TSC2: variants seen among roughly 807,000 people sequenced by gnomAD.
TSC2 encodes tuberin.
In TSC2, 29 loss-of-function variants were observed where a neutral mutation model predicts 202.2. The observed-to-expected ratio is 0.14, with a 90% CI of 0.11 to 0.20. The LOEUF (loss-of-function observed/expected upper bound fraction) is 0.20. TSC2 is among the 10% of genes least tolerant of loss of function. The pLI, the probability that TSC2 is intolerant of heterozygous loss-of-function variation, is 1.00. For synonymous variants in TSC2, 1,349 were observed against 1,044.0 expected (o/e 1.29, Z -5.63); for missense variants, 2,429 against 2,420.0 (o/e 1.00, Z -0.08).
At chr16:2,081,861 G>A (rs781094609) in intron 31 of TSC2, 63 bp downstream of exon 31, 237 of 1,577,764 alleles carry the variant, frequency 1.5e-4, no homozygotes, top group Non-Finnish European at 2.0e-4. Flanking sequence ...TCCCGGTGAC[G>A]GCAATGTGGC....
In TSC2 at chr16:2,085,340, G is replaced by T. The variant is rs45517357; in HGVS notation, c.4662+18G>T. 6.2e-7 allele frequency: 1 copy of T among 1,612,260 alleles called. No homozygotes were observed. The highest frequency in any genetic ancestry group is 1.1e-5 in the South Asian group (1 of 91,084). On this transcript the variant is annotated intron_variant, in intron 36 of 41. Coordinates refer to ENST00000219476, the MANE Select transcript of TSC2 (RefSeq NM_000548.5). The stretch of plus-strand genomic sequence containing the variant: ...AAGGCCAGGTGAGGCTGCGGGGCCG[G>T]CCTAGGTGCCTGGACAGGGCCAGCT...
intron 31 of TSC2, chr16:2,082,122 G>A: frequency 1.7e-6 from 1 of 589,884 alleles, no homozygotes; most frequent in Non-Finnish European, 3.0e-6. Context: ...CCCAGGTTTG[G>A]ACACCTGAGC....
At position 2,048,576 on chromosome 16, in the gene TSC2, C is replaced by T. The variant is rs1008941601; in HGVS notation, c.-29-11C>T. The T allele has an allele frequency of 6.2e-7, 1 of 1,613,434 alleles. No individual in the cohort carries two copies. Among genetic ancestry groups the T allele is most frequent in the Admixed American group, 1.7e-5 (1 of 60,002 alleles). On this transcript the variant is annotated splice_polypyrimidine_tract_variant and intron_variant, in intron 1 of 41. Transcript: ENST00000219476. ...TGCTCAGATGTCCCCATTCCTGTTT[C>T]GTTTGCACAGAGGGGTTTTCTGGTG...
chr16:2,060,874 C>T, intron 11 of TSC2, 61 bp downstream of exon 11: 1 of 1,596,402 alleles, frequency 6.3e-7, no homozygotes, highest in South Asian at 1.1e-5. Flanking sequence ...GCTCGGCCCA[C>T]TCAGAAGATG....
At position 2,089,365 on chromosome 16, in the gene TSC2, G is replaced by A. The variant is rs912624205; in HGVS notation, c.*755G>A. On this transcript the variant is annotated 3_prime_UTR_variant, in exon 42 of 42. Transcript: ENST00000219476. ...AACTTAGGGGCAGGGTGGCGGCGGTGCAGGCTAACCCTCCCTGAAGCCAGC... is the reference window on the plus strand; with the variant it reads ...AACTTAGGGGCAGGGTGGCGGCGGTACAGGCTAACCCTCCCTGAAGCCAGC... The A allele has an allele frequency of 5.3e-6, 2 of 373,976 alleles. No homozygotes were observed. The highest frequency in any genetic ancestry group is 2.0e-5 in the African/African-American group (1 of 48,880). 23.2% of individuals were successfully genotyped at this position (373,976 alleles called of 1,614,324 possible). A position where few individuals can be genotyped will look rare whatever the true frequency, so the allele number is the denominator to read the frequency against.
In TSC2 at chr16:2,080,271, G is replaced by T. The variant is rs1247259128; in HGVS notation, c.3504G>T (p.Lys1168Asn). 2 of 1,613,016 alleles carry T rather than the reference G, an allele frequency of 1.2e-6. No individual in the cohort carries two copies. Among genetic ancestry groups the T allele is most frequent in the Non-Finnish European group, 1.7e-6 (2 of 1,180,020 alleles). Residue 1168 changes from lysine (K) to asparagine (N), a missense_variant, in exon 30 of 42, where the codon AAG becomes AAT. Physicochemically the swap from Lys to Asn is moderately conservative, Grantham distance 94 (BLOSUM62 0). Coordinates refer to ENST00000219476, the MANE Select transcript of TSC2 (RefSeq NM_000548.5). ...PRTAPAAKPE[K>N]ASAGTRVPVQ... ...CTGCACCAGCCGCGAAACCTGAGAA[G>T]GCCTCAGCTGGCACCCGGGTTCCTG... is the stretch of plus-strand genomic sequence containing the variant.
chr16:2,061,663 G>T, intron 11 of TSC2: 1 of 752,458 alleles, frequency 1.3e-6, no homozygotes, highest in Non-Finnish European at 2.2e-6. Context: ...ACGTGGGTCA[G>T]GGTGGCCCCT....
At position 2,061,025 on chromosome 16, in the gene TSC2, A is replaced by G. The variant is rs1596300094; in HGVS notation, c.1119+212A>G. ...GTGGTGCATCGTTTAGGCCCCAGACAGGAATATGCAGTAGGTGAGCCGGGG... is the reference window on the plus strand; with the variant it reads ...GTGGTGCATCGTTTAGGCCCCAGACGGGAATATGCAGTAGGTGAGCCGGGG... On this transcript the variant is annotated intron_variant, in intron 11 of 41. Transcript: ENST00000219476. The G allele has an allele frequency of 4.7e-6, 3 of 633,100 alleles. No homozygotes were observed. The East Asian group carries it at 8.8e-5, about 19-fold the overall frequency. 39.2% of individuals were successfully genotyped at this position (633,100 alleles called of 1,614,324 possible). A position where few individuals can be genotyped will look rare whatever the true frequency, so the allele number is the denominator to read the frequency against.
Position 2,088,875 on chromosome 16 carries a change from G to A in TSC2, c.*265G>A, listed in dbSNP as rs559752557. ...GGCCATACAGCACACTCGCGCGTGC[G>A]CGCGCGCACACACACACACACACAG... On this transcript the variant is annotated 3_prime_UTR_variant, in exon 42 of 42. Transcript: ENST00000219476. 90 of 487,886 alleles carry A rather than the reference G, an allele frequency of 1.8e-4. 1 individual carries two copies. The highest frequency in any genetic ancestry group is 1.2e-3 in the East Asian group (36 of 30,086). 30.2% of individuals were successfully genotyped at this position (487,886 alleles called of 1,614,324 possible). A position where few individuals can be genotyped will look rare whatever the true frequency, so the allele number is the denominator to read the frequency against.
intron 2 of TSC2, among the ~76,000 whole-genome samples, chr16:2,049,813 A>G (rs2084868530): frequency 6.6e-6 from 1 of 151,988 alleles, no homozygotes. Context: ...AAGAAGAGCA[A>G]AACTCCGTCT....
At chr16:2,075,002 G>C (rs1274046771) in intron 22 of TSC2, 1 of 161,792 alleles carries the variant, frequency 6.2e-6, no homozygotes, top group Non-Finnish European at 1.4e-5. Flanking sequence ...GATCACCTGA[G>C]GTCAGGAGTT....
chr16:2,078,973 T>TA (rs2089776527), intron 26 of TSC2, 59 bp from the exon 27 acceptor site: 3 of 1,606,408 alleles, frequency 1.9e-6, no homozygotes, highest in Non-Finnish European at 2.5e-6. Flanking sequence ...CCCTTGGTGA[T>TA]AGGTGGCTCG....
In TSC2 at chr16:2,087,293, G is replaced by A. The variant is rs575418092; in HGVS notation, c.4989+422G>A. The A allele has an allele frequency of 3.2e-4, 110 of 346,352 alleles. 1 individual carries two copies. Among genetic ancestry groups the A allele is most frequent in the South Asian group, 2.6e-3 (108 of 41,910 alleles). The allele number at this position is 346,352 out of a possible 1,614,324, so 21.5% of individuals were successfully genotyped here. On this transcript the variant is annotated intron_variant, in intron 38 of 41. Transcript: ENST00000219476. Reference sequence around the variant, plus strand: ...GCTGGGTCGGCCAGTGTCACAGCACGGTCCGGGTGAGCCCCAGCATGGCGG... The same window carrying A: ...GCTGGGTCGGCCAGTGTCACAGCACAGTCCGGGTGAGCCCCAGCATGGCGG...
intron 17 of TSC2, chr16:2,071,240 C>G (rs1296472574): frequency 1.1e-5 from 6 of 553,702 alleles, no homozygotes; most frequent in African/African-American, 5.6e-5. Context: ...AGGCGCCCAT[C>G]CCTTCCATCC....
chr16:2,086,946 C>T, intron 38 of TSC2, 75 bp downstream of exon 38: 1 of 1,542,826 alleles, frequency 6.5e-7, no homozygotes, highest in Non-Finnish European at 8.7e-7. Flanking sequence ...GTGGCAGGTC[C>T]TCCTCCCTGA....
At position 2,088,667 on chromosome 16, in the gene TSC2, A is replaced by AAT; in HGVS notation, c.*59_*60dup. The AAT allele has an allele frequency of 1.9e-6, 3 of 1,554,286 alleles. No homozygotes were observed. The South Asian group carries it at 3.5e-5, about 18-fold the overall frequency. On this transcript the variant is annotated 3_prime_UTR_variant, in exon 42 of 42. Coordinates refer to ENST00000219476, the MANE Select transcript of TSC2 (RefSeq NM_000548.5). ...GACGGTATTGCCTGTCAGTGAAATA[A>AAT]ATAAAGTCCTGACCCCAGTGCACAG...
chr16:2,062,363 G>C (rs949327990), intron 12 of TSC2, 134 bp from the exon 13 acceptor site: 37 of 849,934 alleles, frequency 4.4e-5, no homozygotes, highest in Non-Finnish European at 6.5e-5. Flanking sequence ...GAGTGCCTTT[G>C]TGTCTGGGCT....
intron 19 of TSC2, 30 bp downstream of exon 19, chr16:2,071,964 C>G (rs2151310062): frequency 6.4e-7 from 1 of 1,551,172 alleles, no homozygotes; most frequent in Non-Finnish European, 8.7e-7. Flanking sequence ...GACCATCCGT[C>G]CCACGTTGGG....
chr16:2,081,535 G>C (rs1016147875), intron 30 of TSC2, 60 bp from the exon 31 acceptor site: 1 of 1,608,964 alleles, frequency 6.2e-7, no homozygotes, highest in South Asian at 1.1e-5. Flanking sequence ...GCCCCTGGGG[G>C]GCCAGAGATG....
Sources: allele counts gnomAD v4.1 joint callset (sites outside exome capture counted in the v4.1 genomes callset), GRCh38; gene constraint gnomAD v4.1.1; transcripts MANE v1.5; gene names NCBI Gene and HGNC (gene_info 2026-07-23, HGNC 2026-07-21).